MARCHF3: variants seen among roughly 807,000 people sequenced by gnomAD.
The protein encoded by MARCHF3 is membrane associated ring-CH-type finger 3, also known as E3 ubiquitin-protein ligase MARCHF3.
MARCHF3 carries 13 observed loss-of-function variants against 24.2 expected under a neutral mutation model. That is an observed-to-expected ratio of 0.54 (90% CI 0.35 to 0.85). The LOEUF (loss-of-function observed/expected upper bound fraction) is 0.85, where lower values mean the gene tolerates loss of function less well. MARCHF3 is among the 40% of genes least tolerant of loss of function. MARCHF3 has a pLI of 0.01. For missense variants in MARCHF3, 276 were observed against 325.0 expected (o/e 0.85, Z 1.16); for synonymous variants, 144 against 137.3 (o/e 1.05, Z -0.34).
chr5:126,888,155 C>G (rs1373897938), intron 3 of MARCHF3, among the ~76,000 whole-genome samples: 5 of 152,132 alleles, frequency 3.3e-5, no homozygotes, highest in Non-Finnish European at 7.3e-5. Flanking sequence ...TATATAAGAC[C>G]ATTTGCTTGG....
chr5:127,020,929 G>A (rs1427867946), intron 1 of MARCHF3, among the ~76,000 whole-genome samples: 6 of 152,026 alleles, frequency 3.9e-5, no homozygotes, highest in African/African-American at 1.4e-4. Flanking sequence ...AGCCCTTTCT[G>A]CCACGTGAAG....
chr5:127,013,020 T>A lies in MARCHF3; in HGVS notation c.-57+17330A>T, dbSNP rs539664429. 4.9e-4 allele frequency among the ~76,000 whole-genome samples: 75 copies of A among 152,276 alleles called. 1 individual carries two copies. The highest frequency in any genetic ancestry group is 2.9e-3 in the South Asian group (14 of 4,822). On this transcript the variant is annotated intron_variant, in intron 1 of 4. Coordinates refer to ENST00000308660, the MANE Select transcript of MARCHF3 (RefSeq NM_178450.5). ...ATGTCAGGAGTCTGCAATACACCTA[T>A]TTAAGTGAATTTTCAAAACTCTGTG... is the stretch of plus-strand genomic sequence containing the variant.
intron 1 of MARCHF3, among the ~76,000 whole-genome samples, chr5:126,920,396 C>T (rs1314403849): frequency 6.6e-6 from 1 of 152,334 alleles, no homozygotes; most frequent in African/African-American, 2.4e-5. Context: ...TAATGCTTCA[C>T]AGTCACAAAG....
At chr5:126,886,723 T>C (rs1753521429) in intron 3 of MARCHF3, among the ~76,000 whole-genome samples, 1 of 152,160 alleles carries the variant, frequency 6.6e-6, no homozygotes, top group Non-Finnish European at 1.5e-5. Flanking sequence ...TGACAAGCTT[T>C]ACAAGATCCA....
At chr5:126,969,055 T>A (rs1750908808) in intron 1 of MARCHF3, among the ~76,000 whole-genome samples, 3 of 152,222 alleles carry the variant, frequency 2.0e-5, no homozygotes, top group African/African-American at 7.2e-5. Context: ...GTGGCATATC[T>A]AAGAAACCAT....
chr5:126,882,432 T>G (rs1245395919), intron 3 of MARCHF3, among the ~76,000 whole-genome samples: 1 of 152,206 alleles, frequency 6.6e-6, no homozygotes, highest in Non-Finnish European at 1.5e-5. Flanking sequence ...AATTTCTGGG[T>G]GTTTAATCTC....
chr5:127,006,987 CT>C (rs1258639307), intron 1 of MARCHF3, among the ~76,000 whole-genome samples: 2,785 of 147,554 alleles, frequency 0.019, 132 homozygotes, highest in Admixed American at 0.11. Flanking sequence ...AAAACTACTT[CT>C]TTTTTTTTTT....
intron 3 of MARCHF3, among the ~76,000 whole-genome samples, chr5:126,913,759 C>CTA (rs1309518306): frequency 6.6e-6 from 1 of 152,192 alleles, no homozygotes; most frequent in African/African-American, 2.4e-5. Flanking sequence ...ACAAAGCTCT[C>CTA]TAGCATCTTA....
chr5:126,948,946 G>A (rs1050285543), intron 1 of MARCHF3, among the ~76,000 whole-genome samples: 2 of 152,166 alleles, frequency 1.3e-5, no homozygotes, highest in African/African-American at 2.4e-5. Flanking sequence ...AGTGGTGGAG[G>A]TGGGAGGGTG....
chr5:126,977,746 AG>A lies in MARCHF3; in HGVS notation c.-57+52603del, dbSNP rs1751250644. ...AGAAAAAGAAATAAGGTAAGTGTAC[AG>A]GAATGGCTAAACACAGCATGTTGCA... On this transcript the variant is annotated intron_variant, in intron 1 of 4. Transcript: ENST00000308660. 2.0e-5 allele frequency among the ~76,000 whole-genome samples: 3 copies of A among 152,268 alleles called. No individual in the cohort carries two copies. In the South Asian group the frequency reaches 6.2e-4, roughly 31 times the overall value.
At chr5:126,995,284 C>G (rs921585462) in intron 1 of MARCHF3, among the ~76,000 whole-genome samples, 4 of 152,186 alleles carry the variant, frequency 2.6e-5, no homozygotes, top group African/African-American at 9.7e-5. Context: ...TCAATTGAGC[C>G]AATGTACCAG....
At chr5:127,018,648 T>A (rs1475625653) in intron 1 of MARCHF3, among the ~76,000 whole-genome samples, 1 of 152,078 alleles carries the variant, frequency 6.6e-6, no homozygotes, top group Non-Finnish European at 1.5e-5. Flanking sequence ...CTCATTAGAC[T>A]AACAACATGG....
chr5:127,028,641 A>G (rs957864914), intron 1 of MARCHF3, among the ~76,000 whole-genome samples: 1 of 151,836 alleles, frequency 6.6e-6, no homozygotes, highest in Non-Finnish European at 1.5e-5. Context: ...TTTCTGATAT[A>G]CATGCCATAC....
intron 1 of MARCHF3, among the ~76,000 whole-genome samples, chr5:127,000,840 G>A (rs924197959): frequency 1.3e-5 from 2 of 150,926 alleles, no homozygotes; most frequent in Non-Finnish European, 2.9e-5. Context: ...CTAATTTTTT[G>A]TAGTTTTAGT....
chr5:127,024,382 C>T (rs188490505), intron 1 of MARCHF3, among the ~76,000 whole-genome samples: 74 of 152,276 alleles, frequency 4.9e-4, no homozygotes, highest in African/African-American at 1.7e-3. Context: ...CTTGAGTAAC[C>T]TTGCTTGAGA....
intron 3 of MARCHF3, among the ~76,000 whole-genome samples, chr5:126,893,383 G>C (rs1485217528): frequency 6.6e-6 from 1 of 151,070 alleles, no homozygotes; most frequent in African/African-American, 2.4e-5. Context: ...TGTGATGTTA[G>C]GGTGTCAATT....
At chr5:126,978,062 T>C (rs749649430) in intron 1 of MARCHF3, among the ~76,000 whole-genome samples, 3 of 152,224 alleles carry the variant, frequency 2.0e-5, no homozygotes, top group Admixed American at 6.5e-5. Context: ...CGAGGAAAGA[T>C]GAGGGGCTGG....
At chr5:126,989,878 C>T (rs1751693722) in intron 1 of MARCHF3, among the ~76,000 whole-genome samples, 2 of 152,186 alleles carry the variant, frequency 1.3e-5, no homozygotes, top group Admixed American at 6.5e-5. Context: ...AATCCCAGCA[C>T]TTTGGGAGGC....
At chr5:126,953,790 C>T (rs1411026951) in intron 1 of MARCHF3, among the ~76,000 whole-genome samples, 1 of 152,122 alleles carries the variant, frequency 6.6e-6, no homozygotes, top group African/African-American at 2.4e-5. Flanking sequence ...ATTGCTTGTT[C>T]CTCCCCCTTT....
Sources: allele counts gnomAD v4.1 joint callset (sites outside exome capture counted in the v4.1 genomes callset), GRCh38; gene constraint gnomAD v4.1.1; transcripts MANE v1.5; gene names NCBI Gene and HGNC (gene_info 2026-07-23, HGNC 2026-07-21).